CD300LF: variants seen among roughly 807,000 people sequenced by gnomAD.
CD300LF encodes the protein CMRF35-like molecule 1.
CD300LF carries 27 observed loss-of-function variants against 32.2 expected under a neutral mutation model. That is an observed-to-expected ratio of 0.84 (90% CI 0.62 to 1.15). The LOEUF is 1.15. Among genes scored for constraint, CD300LF ranks in the 50% most tolerant of loss-of-function variants. The pLI is 0.00. For synonymous variants in CD300LF, 139 were observed against 143.2 expected (o/e 0.97, Z 0.21); for missense variants, 348 against 356.8 (o/e 0.98, Z 0.20).
intron 1 of CD300LF, among the ~76,000 whole-genome samples, chr17:74,709,938 A>G (rs1212213134): frequency 6.6e-6 from 1 of 152,028 alleles, no homozygotes; most frequent in Admixed American, 6.6e-5. Flanking sequence ...CAAAACATGA[A>G]TTCCCAATAT....
At chr17:74,709,097 G>C (rs1431367252) in intron 1 of CD300LF, among the ~76,000 whole-genome samples, 1 of 151,406 alleles carries the variant, frequency 6.6e-6, no homozygotes, top group African/African-American at 2.4e-5. Flanking sequence ...GGTGGCGGGC[G>C]CCTGTAGTCC....
intron 2 of CD300LF, 37 bp downstream of exon 2, chr17:74,704,441 C>A: frequency 2.1e-6 from 3 of 1,428,340 alleles, no homozygotes; most frequent in Non-Finnish European, 2.9e-6. Context: ...ACAGAGCAGG[C>A]CCTGAGAGAC....
At position 74,710,894 on chromosome 17, in the gene CD300LF, G is replaced by A. The variant is rs568931761; in HGVS notation, c.43+1930C>T. 4.0e-5 allele frequency among the ~76,000 whole-genome samples: 6 copies of A among 151,578 alleles called. No homozygotes were observed. The South Asian group carries it at 1.0e-3, about 26-fold the overall frequency. On this transcript the variant is annotated intron_variant, in intron 1 of 6. Coordinates refer to ENST00000326165, the MANE Select transcript of CD300LF (RefSeq NM_139018.5). ...AAAAAAAAACAAAAAATCTGTTCTT[G>A]CCAGGCACGGTGGCTCATGCTTTTA...
At chr17:74,697,374 C>A (rs536908269) in intron 4 of CD300LF, among the ~76,000 whole-genome samples, 4 of 152,264 alleles carry the variant, frequency 2.6e-5, no homozygotes, top group East Asian at 3.9e-4. Context: ...GGGGTTTTCC[C>A]CTGGTTTCAA....
intron 3 of CD300LF, among the ~76,000 whole-genome samples, chr17:74,701,157 A>C (rs1238449213): frequency 6.6e-6 from 1 of 152,246 alleles, no homozygotes; most frequent in Non-Finnish European, 1.5e-5. Flanking sequence ...GGGGCAACCC[A>C]AGCAAACTAA....
rs1419606087 is a variant in CD300LF at position 74,704,576 on chromosome 17, A to G, written c.284T>C (p.Met95Thr). 1.9e-6 allele frequency: 3 copies of G among 1,614,072 alleles called. No homozygotes were observed. The highest frequency in any genetic ancestry group is 2.5e-6 in the Non-Finnish European group (3 of 1,180,034). The change falls in exon 2 of 7, where the codon ATG (methionine) becomes ACG (threonine). Residue 95 changes from methionine (M) to threonine (T), a missense_variant. Physicochemically the swap from Met to Thr is moderately conservative, Grantham distance 81. Transcript: ENST00000326165. ...NQKNRTFTVT[M>T]EDLMKTDADT... is the part of the protein sequence containing the mutation. ...AGCATCAGTTTTCATGAGATCCTCC[A>G]TGGTCACAGTGAACGTGCGGTTTTT...
Position 74,695,776 on chromosome 17 carries a change from C to T in CD300LF, c.666G>A (p.Thr222=), listed in dbSNP as rs761990181. ...LAGTSPQKAT[T]KLSSAQVDQV... ...GGTCAACCTGGGCAGAGGAAAGCTTCGTGGTAGCCTTTTGCGGGGAGGTTC... is the reference window on the plus strand; with the variant it reads ...GGTCAACCTGGGCAGAGGAAAGCTTTGTGGTAGCCTTTTGCGGGGAGGTTC... Residue 222 remains threonine, a synonymous_variant, in exon 6 of 7, where the codon ACG becomes ACA. Coordinates refer to ENST00000326165, the MANE Select transcript of CD300LF (RefSeq NM_139018.5). The T allele has an allele frequency of 1.7e-5, 28 of 1,614,048 alleles. No homozygotes were observed. Among genetic ancestry groups the T allele is most frequent in the Non-Finnish European group, 2.4e-5 (28 of 1,180,038 alleles).
chr17:74,696,141 G>A (rs2032448630), intron 5 of CD300LF, 54 bp downstream of exon 5: 2 of 1,569,080 alleles, frequency 1.3e-6, no homozygotes, highest in African/African-American at 1.4e-5. Flanking sequence ...GGAAAATGAG[G>A]AAGGGGAAAG....
chr17:74,700,159 A>G (rs2032909526), intron 3 of CD300LF, among the ~76,000 whole-genome samples: 1 of 150,588 alleles, frequency 6.6e-6, no homozygotes, highest in Non-Finnish European at 1.5e-5. Context: ...AAATAAATAA[A>G]TAAATAAATA....
chr17:74,704,771 C>A lies in CD300LF; in HGVS notation c.89G>T (p.Gly30Val). The A allele has an allele frequency of 6.2e-7, 1 of 1,614,118 alleles. No homozygotes were observed. The highest frequency in any genetic ancestry group is 8.5e-7 in the Non-Finnish European group (1 of 1,179,978). Residue 30 changes from glycine to valine, a missense_variant, in exon 2 of 7, where the codon GGC (glycine) becomes GTC (valine). Coordinates refer to ENST00000326165, the MANE Select transcript of CD300LF (RefSeq NM_139018.5). The part of the protein sequence containing the change: ...TQITGPTTVN[G>V]LERGSLTVQC... ...CACGGTCAAGGAGCCCCGCTCCAAG[C>A]CATTCACTGTTGTTGGACCGGTGAT...
Position 74,703,140 on chromosome 17 carries a change from G to A in CD300LF, c.383-42C>T, listed in dbSNP as rs776210830. 82 of 1,612,780 alleles carry A rather than the reference G, an allele frequency of 5.1e-5. No individual in the cohort carries two copies. The East Asian group carries it at 1.0e-3, about 21-fold the overall frequency. On this transcript the variant is annotated intron_variant, in intron 2 of 6. Transcript: ENST00000326165. ...GGTAGGCGTGGTGGGGGCAGGAGTC[G>A]ACGCTGTAGTTGATGCTTGGTGTAT...
chr17:74,703,819 A>G (rs752574361), intron 2 of CD300LF, among the ~76,000 whole-genome samples: 1 of 151,974 alleles, frequency 6.6e-6, no homozygotes, highest in Non-Finnish European at 1.5e-5. Flanking sequence ...CAACAAATAA[A>G]CCCATGCAAA....
Position 74,695,797 on chromosome 17 carries a change from G to A in CD300LF, c.645C>T (p.Thr215=). 1 of 1,614,178 alleles carries A rather than the reference G, an allele frequency of 6.2e-7. No individual in the cohort carries two copies. The highest frequency in any genetic ancestry group is 1.1e-5 in the South Asian group (1 of 91,082). ...YADLTLQLAG[T]SPQKATTKLS... is the part of the protein sequence containing the mutation. ...GCTTCGTGGTAGCCTTTTGCGGGGA[G>A]GTTCCGGCCAGCTGCAGGGTCAGGT... The change falls in exon 6 of 7, where the codon ACC becomes ACT. Residue 215 remains threonine, a synonymous_variant. Coordinates refer to ENST00000326165, the MANE Select transcript of CD300LF (RefSeq NM_139018.5).
At chr17:74,712,585 T>C (rs961174235) in intron 1 of CD300LF, among the ~76,000 whole-genome samples, 3 of 152,206 alleles carry the variant, frequency 2.0e-5, no homozygotes, top group Non-Finnish European at 4.4e-5. Context: ...GTCTGTCCAT[T>C]TCACATGATC....
chr17:74,706,844 C>A (rs1211724835), intron 1 of CD300LF, among the ~76,000 whole-genome samples: 1 of 152,134 alleles, frequency 6.6e-6, no homozygotes, highest in African/African-American at 2.4e-5. Context: ...AGCCCGGGTC[C>A]TGGGGAAAGA....
intron 5 of CD300LF, 49 bp downstream of exon 5, chr17:74,696,146 G>C: frequency 6.3e-7 from 1 of 1,574,916 alleles, no homozygotes. Flanking sequence ...ATGAGGAAGG[G>C]GAAAGAAGCT....
intron 4 of CD300LF, among the ~76,000 whole-genome samples, chr17:74,696,583 A>G (rs2032501443): frequency 1.3e-5 from 2 of 152,110 alleles, no homozygotes; most frequent in South Asian, 4.1e-4. Flanking sequence ...TACCTGATTC[A>G]TCCTTCAGGG....
intron 1 of CD300LF, among the ~76,000 whole-genome samples, chr17:74,712,267 C>T (rs1219873858): frequency 1.3e-5 from 2 of 152,192 alleles, no homozygotes; most frequent in Non-Finnish European, 2.9e-5. Context: ...TGGCTCTGCC[C>T]ACATCTCAGT....
chr17:74,708,863 C>A (rs1422337856), intron 1 of CD300LF, among the ~76,000 whole-genome samples: 1 of 150,778 alleles, frequency 6.6e-6, no homozygotes, highest in African/African-American at 2.4e-5. Context: ...TTGCAGTGAG[C>A]CGAGATCGCG....
Sources: allele counts gnomAD v4.1 joint callset (sites outside exome capture counted in the v4.1 genomes callset), GRCh38; gene constraint gnomAD v4.1.1; transcripts MANE v1.5; gene names NCBI Gene and HGNC (gene_info 2026-07-23, HGNC 2026-07-21).